Variants in THSD7A observed in about 807,000 individuals in gnomAD.
The protein encoded by THSD7A is thrombospondin type 1 domain containing 7A, also known as thrombospondin type-1 domain-containing protein 7A.
THSD7A carries 96 observed loss-of-function variants against 231.3 expected under a neutral mutation model. The observed-to-expected ratio is 0.41, with a 90% confidence interval of 0.35 to 0.49. The LOEUF is 0.49. Among genes scored for constraint, THSD7A ranks in the 20% least tolerant of loss-of-function variants. The pLI is 0.05. For missense variants in THSD7A, 2,290 were observed against 2,070.2 expected (o/e 1.11, Z -2.06); for synonymous variants, 940 against 743.3 (o/e 1.26, Z -4.30).
At position 11,674,024 on chromosome 7, in the gene THSD7A, T is replaced by C. The variant is rs115944904; in HGVS notation, c.191-37063A>G. Among the ~76,000 whole-genome samples, 31 of 151,840 alleles carry C rather than the reference T, an allele frequency of 2.0e-4. 1 individual carries two copies. Among genetic ancestry groups the C allele is most frequent in the African/African-American group, 7.5e-4 (31 of 41,420 alleles). ...TGAATCACCAGACCACCTGCAGACA[T>C]ACCCAACACACACCGACTCTACAAG... On this transcript the variant is annotated intron_variant, in intron 1 of 27. Coordinates refer to ENST00000423059, the MANE Select transcript of THSD7A (RefSeq NM_015204.3).
At chr7:11,815,092 AAAG>A (rs1238990463) in intron 1 of THSD7A, among the ~76,000 whole-genome samples, 4 of 151,800 alleles carry the variant, frequency 2.6e-5, no homozygotes, top group Admixed American at 1.3e-4. Context: ...TCAAAAAAAA[AAAG>A]AATCTTTTAA....
rs969695485 is a variant in THSD7A at position 11,405,225 on chromosome 7, A to G, written c.4237+1075T>C. 2.7e-5 allele frequency among the ~76,000 whole-genome samples: 4 copies of G among 149,910 alleles called. No homozygotes were observed. The East Asian group carries it at 7.8e-4, about 29-fold the overall frequency. Reference sequence around the variant, plus strand: ...ATAGCTAGCCCATGTCAGTTTTTCCAGGTTTTAGGGACTCAATCCCATTTA... The same window carrying G: ...ATAGCTAGCCCATGTCAGTTTTTCCGGGTTTTAGGGACTCAATCCCATTTA... On this transcript the variant is annotated intron_variant, in intron 22 of 27. Coordinates refer to ENST00000423059, the MANE Select transcript of THSD7A (RefSeq NM_015204.3).
intron 23 of THSD7A, chr7:11,385,755 C>T (rs993548125): frequency 6.6e-6 from 1 of 152,144 alleles, no homozygotes; most frequent in Middle Eastern, 3.4e-3. Context: ...CAAGGTTATA[C>T]TCTCATAGTA....
chr7:11,389,503 C>G (rs1782899048), intron 23 of THSD7A, among the ~76,000 whole-genome samples: 1 of 127,326 alleles, frequency 7.9e-6, no homozygotes, highest in East Asian at 2.6e-4. Flanking sequence ...TTATTTTGAG[C>G]CTATGTGTGT....
intron 1 of THSD7A, among the ~76,000 whole-genome samples, chr7:11,677,193 A>T (rs1783673857): frequency 6.6e-6 from 1 of 152,132 alleles, no homozygotes; most frequent in Non-Finnish European, 1.5e-5. Flanking sequence ...GGAGAAATAA[A>T]ATCTATTACA....
chr7:11,699,655 G>A (rs901698618), intron 1 of THSD7A, among the ~76,000 whole-genome samples: 8 of 151,280 alleles, frequency 5.3e-5, no homozygotes, highest in African/African-American at 1.9e-4. Flanking sequence ...ATAAATAAAT[G>A]TTGCATATAC....
intron 4 of THSD7A, among the ~76,000 whole-genome samples, chr7:11,566,312 G>T (rs1252306945): frequency 6.6e-6 from 1 of 152,202 alleles, no homozygotes; most frequent in Non-Finnish European, 1.5e-5. Context: ...GAGAGAGGTA[G>T]GAGAGACAGA....
Position 11,636,340 on chromosome 7 carries a change from A to G in THSD7A, c.812T>C (p.Val271Ala). 6.2e-7 allele frequency: 1 copy of G among 1,613,448 alleles called. No individual in the cohort carries two copies. Among genetic ancestry groups the G allele is most frequent in the Non-Finnish European group, 8.5e-7 (1 of 1,179,798 alleles). Residue 271 changes from valine to alanine, a missense_variant, in exon 2 of 28, where the codon GTA becomes GCA. Transcript: ENST00000423059. The surrounding 1 kb of genome is among the most constrained non-coding windows in gnomAD (Gnocchi z 10.0). The stretch of plus-strand genomic sequence containing the variant: ...CTTCCCGCGTCTCCTTGCTTGTCTT[A>G]CTTGTCGGGAGTGGGGCATTGAGCA... ...STCSMPHSRQ[V>A]RQARRRGKNK... is the part of the protein sequence containing the mutation.
At chr7:11,600,819 G>A (rs1780525805) in intron 2 of THSD7A, among the ~76,000 whole-genome samples, 1 of 152,188 alleles carries the variant, frequency 6.6e-6, no homozygotes, top group South Asian at 2.1e-4. Context: ...ACTGGCATAT[G>A]TATGAAAATT....
chr7:11,734,701 G>A (rs1454652813), intron 1 of THSD7A, among the ~76,000 whole-genome samples: 1 of 151,812 alleles, frequency 6.6e-6, no homozygotes, highest in Non-Finnish European at 1.5e-5. Context: ...TTCTTATTCA[G>A]AATGTAAACA....
chr7:11,513,183 T>C (rs73286813), intron 6 of THSD7A, among the ~76,000 whole-genome samples: 2 of 151,282 alleles, frequency 1.3e-5, no homozygotes, highest in South Asian at 2.1e-4. Flanking sequence ...GTGCCAGGGA[T>C]AAAAGACAAC....
At position 11,424,803 on chromosome 7, in the gene THSD7A, A is replaced by G. The variant is rs1219322078; in HGVS notation, c.3276T>C (p.Ser1092=). The G allele has an allele frequency of 1.9e-6, 3 of 1,613,990 alleles. No individual in the cohort carries two copies. The Admixed American group carries it at 5.0e-5, about 27-fold the overall frequency. ...TGACCCATAGGTACTGGTTGCAGTC[A>G]CTGTGGCATGGGACAACCTCATACA... ...AQVYEVVPCH[S]DCNQYLWVTE... Residue 1092 remains serine (S), a synonymous_variant, in exon 16 of 28, where the codon AGT becomes AGC. Coordinates refer to ENST00000423059, the MANE Select transcript of THSD7A (RefSeq NM_015204.3).
intron 4 of THSD7A, 75 bp from the exon 5 acceptor site, chr7:11,543,192 G>T: frequency 1.4e-6 from 2 of 1,396,118 alleles, no homozygotes; most frequent in Non-Finnish European, 9.8e-7. Context: ...ATTTTTCTGT[G>T]TGTATGGAAA....
rs570604426 is a variant in THSD7A at position 11,428,514 on chromosome 7, T to C, written c.3243+433A>G. On this transcript the variant is annotated intron_variant, in intron 14 of 27. Transcript: ENST00000423059. ...ATATCAAACACATTTAAATAAACAG[T>C]ATATATTTTTCCTAATTTTAGACCA... Among the ~76,000 whole-genome samples, 49 of 152,322 alleles carry C rather than the reference T, an allele frequency of 3.2e-4. No individual in the cohort carries two copies. In the South Asian group the frequency reaches 8.7e-3, roughly 27 times the overall value.
At chr7:11,403,115 C>G (rs1362268125) in intron 22 of THSD7A, among the ~76,000 whole-genome samples, 1 of 152,102 alleles carries the variant, frequency 6.6e-6, no homozygotes, top group African/African-American at 2.4e-5. Flanking sequence ...CTTCAGAGTA[C>G]ACAGTCAATT....
chr7:11,500,630 A>C (rs1321651120), intron 6 of THSD7A, among the ~76,000 whole-genome samples: 4 of 151,984 alleles, frequency 2.6e-5, no homozygotes, highest in South Asian at 4.1e-4. Context: ...AAATCTACCA[A>C]GCAAATGGAA....
rs1785190130 is a variant in THSD7A, at chr7:11,831,463, G to A, written c.190+294C>T. Among the ~76,000 whole-genome samples, 1 of 152,130 alleles carries A rather than the reference G, an allele frequency of 6.6e-6. No homozygotes were observed. ...CTGTTTGAGAAACTCCTAGTAGAAT[G>A]AAAATCCAGGGGTTAAAAATAATGC... On this transcript the variant is annotated intron_variant, in intron 1 of 27. Coordinates refer to ENST00000423059, the MANE Select transcript of THSD7A (RefSeq NM_015204.3). This position sits in a 1 kb window ranked among gnomAD's most constrained non-coding sequence, Gnocchi z 5.0.
chr7:11,516,611 GC>G (rs1788040694), intron 6 of THSD7A, among the ~76,000 whole-genome samples: 1 of 152,088 alleles, frequency 6.6e-6, no homozygotes, highest in African/African-American at 2.4e-5. Context: ...TAACATTTTG[GC>G]TTTAAATTCT....
At chr7:11,546,939 C>T (rs1018655706) in intron 4 of THSD7A, among the ~76,000 whole-genome samples, 1 of 152,070 alleles carries the variant, frequency 6.6e-6, no homozygotes, top group African/African-American at 2.4e-5. Context: ...CAGAATAGAC[C>T]AAGCTAATGA....
Sources: gnomAD v4.1 joint callset for allele counts (sites outside exome capture counted in the v4.1 genomes callset) on GRCh38, gnomAD v4.1.1 for gene constraint, Gnocchi (gnomAD v3.1) non-coding constraint, MANE v1.5 for transcripts, NCBI Gene and HGNC (gene_info 2026-07-23, HGNC 2026-07-21) for gene names.